Variants in STON1 observed in about 807,000 individuals in gnomAD.
STON1 encodes the protein stonin 1.
A neutral mutation model predicts 60.9 loss-of-function variants in STON1; 79 were observed. The ratio of observed to expected loss-of-function variants is 1.30; its 90% CI spans 1.08 to 1.56. The LOEUF is 1.56. Among genes scored for constraint, STON1 ranks in the 40% most tolerant of loss-of-function variants. STON1 has a pLI of 0.00. For missense variants in STON1, 1,166 were observed against 858.9 expected (o/e 1.36, Z -4.47); for synonymous variants, 363 against 306.9 (o/e 1.18, Z -1.91).
chr2:48,563,681 T>G (rs1672702285), intron 1 of STON1, among the ~76,000 whole-genome samples: 1 of 137,026 alleles, frequency 7.3e-6, no homozygotes, highest in Non-Finnish European at 1.6e-5. Flanking sequence ...TTTTTTTGTT[T>G]GTTTGTTTGT....
Position 48,590,635 on chromosome 2 carries a change from T to TC in STON1, c.1931-1018_1931-1017insC, listed in dbSNP as rs1187664652. ...AATGAAAATATTGATCATTTCCTTA[T>TC]AACACACACACACACACACACACAC... is the stretch of plus-strand genomic sequence containing the variant. On this transcript the variant is annotated intron_variant, in intron 2 of 3. Coordinates refer to ENST00000404752, the MANE Select transcript of STON1 (RefSeq NM_006873.4). Among the ~76,000 whole-genome samples, 11 of 1,988 alleles carry TC rather than the reference T, an allele frequency of 5.5e-3. No individual in the cohort carries two copies. The East Asian group carries it at 0.079, about 14-fold the overall frequency. 1.3% of individuals were successfully genotyped at this position (1,988 alleles called of 152,430 possible).
chr2:48,588,236 A>G (rs1674323115), intron 2 of STON1, among the ~76,000 whole-genome samples: 1 of 152,222 alleles, frequency 6.6e-6, no homozygotes, highest in South Asian at 2.1e-4. Context: ...GGATCCCAGA[A>G]TGCATCTCTA....
chr2:48,593,328 G>A (rs112898466), intron 3 of STON1, among the ~76,000 whole-genome samples: 1,830 of 151,406 alleles, frequency 0.012, 46 homozygotes, highest in African/African-American at 0.043. Flanking sequence ...TGTTGGCCAG[G>A]CTGGTCTCGA....
chr2:48,582,974 C>T (rs1673986868), intron 2 of STON1, among the ~76,000 whole-genome samples: 1 of 152,228 alleles, frequency 6.6e-6, no homozygotes, highest in Non-Finnish European at 1.5e-5. Context: ...TTTGCATTCT[C>T]AGCTGATACC....
At chr2:48,586,591 G>C (rs868350148) in intron 2 of STON1, among the ~76,000 whole-genome samples, 1 of 152,198 alleles carries the variant, frequency 6.6e-6, no homozygotes, top group African/African-American at 2.4e-5. Context: ...AACCACAGGT[G>C]TGTGGGTGGG....
Position 48,582,248 on chromosome 2 carries a change from G to C in STON1, c.1615G>C (p.Ala539Pro), listed in dbSNP as rs769443548. The C allele has an allele frequency of 6.2e-7, 1 of 1,614,184 alleles. No individual in the cohort carries two copies. The highest frequency in any genetic ancestry group is 1.7e-5 in the Admixed American group (1 of 60,014). The change falls in exon 2 of 4, where the codon GCA becomes CCA. Residue 539 changes from alanine (A) to proline (P), a missense_variant. By Grantham distance (27) the Ala-to-Pro change is conservative (BLOSUM62 -1). Coordinates refer to ENST00000404752, the MANE Select transcript of STON1 (RefSeq NM_006873.4). The part of the protein sequence containing the change: ...SLKSVVVVQG[A>P]YVELQAFVNM... ...GAAGTCTGTAGTGGTTGTCCAGGGA[G>C]CATACGTGGAACTTCAGGCTTTTGT...
chr2:48,584,453 A>G (rs1674081276), intron 2 of STON1, among the ~76,000 whole-genome samples: 1 of 151,944 alleles, frequency 6.6e-6, no homozygotes, highest in Non-Finnish European at 1.5e-5. Context: ...TTTTTAGTAG[A>G]GACGGGGTTT....
rs1469873229 is a variant in STON1 at position 48,581,285 on chromosome 2, CA to C, written c.658del (p.Ser220AlafsTer2). 5 of 1,519,396 alleles carry C rather than the reference CA, an allele frequency of 3.3e-6. No homozygotes were observed. In the African/African-American group the frequency reaches 5.6e-5, roughly 17 times the overall value. 94.1% of individuals were successfully genotyped at this position (1,519,396 alleles called of 1,614,324 possible). On this transcript the variant is annotated frameshift_variant, in exon 2 of 4. Transcript: ENST00000404752. LOFTEE classifies it high-confidence loss of function. The stretch of plus-strand genomic sequence containing the variant: ...AAGAAACAAGGAGATGCCTATTGAC[CA>C]AAAAAGCCTAAATAAGTGTTCACTC... ...SSRNKEMPIDQKSLNKCSLNY... is the reference protein window; with the variant it reads ...SSRNKEMPIDXKSLNKCSLNY...
At chr2:48,559,108 A>T (rs1672504857) in intron 1 of STON1, among the ~76,000 whole-genome samples, 1 of 152,224 alleles carries the variant, frequency 6.6e-6, no homozygotes. Context: ...TTCTGGTCCC[A>T]AGCGTTTTAG....
chr2:48,582,101 T>G lies in STON1; in HGVS notation c.1468T>G (p.Cys490Gly), dbSNP rs1436313154. Residue 490 changes from cysteine to glycine, a missense_variant, in exon 2 of 4, where the codon TGT becomes GGT. Coordinates refer to ENST00000404752, the MANE Select transcript of STON1 (RefSeq NM_006873.4). ...TATTCTTGACTACCATTTTCATAAG[T>G]GTGTGAATGTACAAGAATTTGAGCA... is the stretch of plus-strand genomic sequence containing the variant. ...IDILDYHFHK[C>G]VNVQEFEQSR... 1.9e-6 allele frequency: 3 copies of G among 1,613,996 alleles called. No individual in the cohort carries two copies. The highest frequency in any genetic ancestry group is 2.5e-6 in the Non-Finnish European group (3 of 1,179,970).
At chr2:48,577,157 A>G (rs1171962557) in intron 1 of STON1, among the ~76,000 whole-genome samples, 2 of 151,866 alleles carry the variant, frequency 1.3e-5, no homozygotes, top group Non-Finnish European at 2.9e-5. Flanking sequence ...TTTGCTGTGC[A>G]GAAACTTTTA....
chr2:48,536,241 G>C (rs1355497022), intron 1 of STON1, among the ~76,000 whole-genome samples: 1 of 151,946 alleles, frequency 6.6e-6, no homozygotes, highest in East Asian at 1.9e-4. Context: ...ACTGTGAAGA[G>C]ATAGTGCATG....
chr2:48,567,386 C>G (rs1672991973), intron 1 of STON1, among the ~76,000 whole-genome samples: 1 of 152,064 alleles, frequency 6.6e-6, no homozygotes, highest in South Asian at 2.1e-4. Flanking sequence ...AGAACGAAGC[C>G]TTTTACAGGA....
chr2:48,583,330 C>G (rs988368135), intron 2 of STON1, among the ~76,000 whole-genome samples: 3 of 152,174 alleles, frequency 2.0e-5, no homozygotes, highest in Admixed American at 2.0e-4. Flanking sequence ...CTCAAGGGAT[C>G]CTCCCACATT....
chr2:48,530,263 C>G, intron 1 of STON1, 47 bp downstream of exon 1: 1 of 352,462 alleles, frequency 2.8e-6, no homozygotes, highest in Non-Finnish European at 5.5e-6. Flanking sequence ...CTGGGACCCC[C>G]CCTCTCCAGG....
chr2:48,585,879 C>T (rs541229923), intron 2 of STON1, among the ~76,000 whole-genome samples: 1 of 152,338 alleles, frequency 6.6e-6, no homozygotes, highest in African/African-American at 2.4e-5. Flanking sequence ...AGGACTAGAA[C>T]AAAAGGTCCA....
chr2:48,582,717 GTTTA>G (rs1358732653), intron 2 of STON1, among the ~76,000 whole-genome samples, 154 bp downstream of exon 2: 1 of 152,172 alleles, frequency 6.6e-6, no homozygotes, highest in African/African-American at 2.4e-5. Flanking sequence ...TAAACAGCTG[GTTTA>G]TTTGTTTCCT....
At chr2:48,530,247 G>C in intron 1 of STON1, 31 bp downstream of exon 1, 3 of 363,882 alleles carry the variant, frequency 8.2e-6, no homozygotes, top group South Asian at 6.2e-5. Flanking sequence ...GACAGAGACG[G>C]GAGGCCTGGG....
chr2:48,554,718 T>TA (rs1383025559), intron 1 of STON1, among the ~76,000 whole-genome samples: 2,822 of 72,574 alleles, frequency 0.039, 589 homozygotes, highest in African/African-American at 0.12. Context: ...TTTTTTTTTT[T>TA]TTTTTTTATT....
Sources: gnomAD v4.1 joint callset for allele counts (sites outside exome capture counted in the v4.1 genomes callset) on GRCh38, gnomAD v4.1.1 for gene constraint, MANE v1.5 for transcripts, NCBI Gene and HGNC (gene_info 2026-07-23, HGNC 2026-07-21) for gene names.